The following OCSTAMP variants were observed in gnomAD, a reference collection of about 807,000 sequenced individuals.
OCSTAMP encodes transmembrane protein C20orf123.
A neutral mutation model predicts 25.2 loss-of-function variants in OCSTAMP; 17 were observed. The observed-to-expected ratio is 0.68, with a 90% CI of 0.46 to 1.01. The LOEUF (loss-of-function observed/expected upper bound fraction) is 1.01. Ranked by LOEUF, OCSTAMP falls within the 50% of genes least tolerant of loss-of-function variation. The probability of loss-of-function intolerance (pLI) is 0.00; values close to 1 mark genes in which losing one functional copy is unlikely to be tolerated. For synonymous variants in OCSTAMP, 345 were observed against 318.9 expected, an observed-to-expected ratio of 1.08 and a Z score of -0.87; for missense variants, 664 against 694.6, an observed-to-expected ratio of 0.96 and a Z score of 0.50.
chr20:46,541,615 C>CGTGTCT lies in OCSTAMP; in HGVS notation c.1354_1359dup (p.Arg452_His453dup). 1 of 1,551,526 alleles carries CGTGTCT rather than the reference C, an allele frequency of 6.4e-7. No homozygotes were observed. The highest frequency in any genetic ancestry group is 8.7e-7 in the Non-Finnish European group (1 of 1,146,992). On this transcript the variant is annotated inframe_insertion, in exon 3 of 3. Transcript: ENST00000279028. ...GGCAGCTGCTGGCCTTGGTGCCTGTCGTGTCTTCGCTGGAGCCGGGCGTGC... is the reference window on the plus strand; with the variant it reads ...GGCAGCTGCTGGCCTTGGTGCCTGTCGTGTCTGTGTCTTCGCTGGAGCCGGGCGTGC...
At chr20:46,545,194 TG>T in intron 2 of OCSTAMP, 132 bp downstream of exon 2, 1 of 907,010 alleles carries the variant, frequency 1.1e-6, no homozygotes, top group Non-Finnish European at 1.6e-6. Flanking sequence ...GCCCATGGTA[TG>T]GGGCCCCATG....
intron 2 of OCSTAMP, among the ~76,000 whole-genome samples, chr20:46,543,223 TTCC>T (rs1275036045): frequency 1.3e-5 from 2 of 148,406 alleles, no homozygotes; most frequent in Admixed American, 1.3e-4. Context: ...TCTTCCTTCC[TTCC>T]TTTCTTTTTC....
chr20:46,545,406 G>T lies in OCSTAMP; in HGVS notation c.968C>A (p.Ala323Asp). The T allele has an allele frequency of 6.5e-7, 1 of 1,546,752 alleles. No homozygotes were observed. The highest frequency in any genetic ancestry group is 8.7e-7 in the Non-Finnish European group (1 of 1,145,364). The change falls in exon 2 of 3, where the codon GCC (alanine) becomes GAC (aspartate). Residue 323 changes from alanine to aspartate, a missense_variant. Coordinates refer to ENST00000279028, the MANE Select transcript of OCSTAMP (RefSeq NM_080721.3). ...TAVAVATDHV[A>D]FLLAQATVDW... ...CACAGTAGCCTGTGCCAGGAGGAAG[G>T]CTACATGGTCTGTGGCCACCGCCAC...
intron 1 of OCSTAMP, among the ~76,000 whole-genome samples, chr20:46,548,735 T>C (rs934927700): frequency 1.3e-5 from 2 of 152,208 alleles, no homozygotes; most frequent in Admixed American, 6.5e-5. Context: ...CAGGCAAAGC[T>C]GCTGACTTGC....
intron 2 of OCSTAMP, among the ~76,000 whole-genome samples, chr20:46,543,202 C>T (rs2061839926): frequency 1.3e-5 from 2 of 151,422 alleles, no homozygotes; most frequent in Non-Finnish European, 2.9e-5. Context: ...CTCATTCCTT[C>T]CTTTTTTCTT....
In OCSTAMP at chr20:46,541,342, C is replaced by T; in HGVS notation, c.1633G>A (p.Val545Met). The T allele has an allele frequency of 1.3e-6, 1 of 769,380 alleles. No homozygotes were observed. The highest frequency in any genetic ancestry group is 2.3e-6 in the Non-Finnish European group (1 of 431,678). The allele number at this position is 769,380 out of a possible 1,614,324, so 47.7% of individuals were successfully genotyped here. A position where few individuals can be genotyped will look rare whatever the true frequency, so the allele number is the denominator to read the frequency against. Residue 545 changes from valine (V) to methionine (M), a missense_variant, in exon 3 of 3, where the codon GTG becomes ATG. Physicochemically the swap from Val to Met is conservative, Grantham distance 21. Coordinates refer to ENST00000279028, the MANE Select transcript of OCSTAMP (RefSeq NM_080721.3). ...LHNDSIFTID[V>M]TYFPRRDVVR... ...ACATCCCTGCGTGGGAAGTAGGTCA[C>T]ATCAATGGTAAATATGCTGTCGTTA...
chr20:46,547,923 C>T (rs1031430434), intron 1 of OCSTAMP, among the ~76,000 whole-genome samples: 3 of 152,030 alleles, frequency 2.0e-5, no homozygotes, highest in African/African-American at 7.2e-5. Context: ...TGGAGTGACA[C>T]CTGTAGGGGT....
At position 46,545,346 on chromosome 20, in the gene OCSTAMP, G is replaced by A. The variant is rs1003265035; in HGVS notation, c.1028C>T (p.Thr343Met). The A allele has an allele frequency of 4.1e-5, 60 of 1,479,746 alleles. No individual in the cohort carries two copies. The highest frequency in any genetic ancestry group is 4.8e-5 in the Non-Finnish European group (54 of 1,115,286). 91.7% of individuals were successfully genotyped at this position (1,479,746 alleles called of 1,614,324 possible). Residue 343 changes from threonine (T) to methionine (M), a missense_variant, in exon 2 of 3, where the codon ACG (threonine) becomes ATG (methionine). Coordinates refer to ENST00000279028, the MANE Select transcript of OCSTAMP (RefSeq NM_080721.3). ...WAQKLPTVPI[T>M]LTVKYDVAYT... Reference sequence around the variant, plus strand: ...ACTTACATCATACTTGACCGTGAGCGTGATGGGCACAGTTGGCAACTTCTG... The same window carrying A: ...ACTTACATCATACTTGACCGTGAGCATGATGGGCACAGTTGGCAACTTCTG...
chr20:46,541,616 G>A lies in OCSTAMP; in HGVS notation c.1359C>T (p.His453=). 6.4e-7 allele frequency: 1 copy of A among 1,551,516 alleles called. No homozygotes were observed. The change falls in exon 3 of 3, where the codon CAC becomes CAT. Residue 453 remains histidine (H), a synonymous_variant. Transcript: ENST00000279028. The part of the protein sequence containing the change: ...RHLHARLQRR[H]DRHQGQQLPL... ...GCAGCTGCTGGCCTTGGTGCCTGTC[G>A]TGTCTTCGCTGGAGCCGGGCGTGCA...
At chr20:46,544,954 A>T (rs563167352) in intron 2 of OCSTAMP, among the ~76,000 whole-genome samples, 2 of 152,324 alleles carry the variant, frequency 1.3e-5, no homozygotes, top group Admixed American at 6.5e-5. Flanking sequence ...CTTACTAGGT[A>T]CTTTAAGACA....
intron 1 of OCSTAMP, among the ~76,000 whole-genome samples, 171 bp from the exon 2 acceptor site, chr20:46,546,500 C>T (rs1017745154): frequency 6.6e-6 from 1 of 152,184 alleles, no homozygotes; most frequent in African/African-American, 2.4e-5. Flanking sequence ...GTGACACAAG[C>T]TGAACCAATC....
chr20:46,546,595 G>T (rs558323210), intron 1 of OCSTAMP, among the ~76,000 whole-genome samples: 2 of 152,348 alleles, frequency 1.3e-5, no homozygotes, highest in Non-Finnish European at 2.9e-5. Flanking sequence ...GAGGATGAAA[G>T]TCTGCCCTGT....
At position 46,545,824 on chromosome 20, in the gene OCSTAMP, C is replaced by T. The variant is rs2061850108; in HGVS notation, c.550G>A (p.Gly184Ser). 3 of 1,551,176 alleles carry T rather than the reference C, an allele frequency of 1.9e-6. No individual in the cohort carries two copies. The highest frequency in any genetic ancestry group is 1.4e-5 in the African/African-American group (1 of 73,052). The change falls in exon 2 of 3, where the codon GGC becomes AGC. Residue 184 changes from glycine (G) to serine (S), a missense_variant. Transcript: ENST00000279028. ...LGPTGQAGSR[G>S]LTFEAQDNGS... ...TTGTCCTGGGCCTCAAATGTCAGGC[C>T]CCGGCTGCCTGCCTGGCCTGTGGGG...
chr20:46,541,537 C>A lies in OCSTAMP; in HGVS notation c.1438G>T (p.Ala480Ser). ...PTPRPACKPP[A>S]WIDYRLDALR... The stretch of plus-strand genomic sequence containing the variant: ...GCATCCAGCCTGTAGTCTATCCATG[C>A]CGGAGGCTTGCAGGCAGGTCTGGGT... Residue 480 changes from alanine to serine, a missense_variant, in exon 3 of 3, where the codon GCA (alanine) becomes TCA (serine). By Grantham distance (99) the Ala-to-Ser change is moderately conservative. Coordinates refer to ENST00000279028, the MANE Select transcript of OCSTAMP (RefSeq NM_080721.3). 1 of 1,551,730 alleles carries A rather than the reference C, an allele frequency of 6.4e-7. No individual in the cohort carries two copies. Among genetic ancestry groups the A allele is most frequent in the Non-Finnish European group, 8.7e-7 (1 of 1,146,970 alleles).
In OCSTAMP at chr20:46,545,522, G is replaced by A. The variant is rs757417275; in HGVS notation, c.852C>T (p.Leu284=). 264 of 1,551,474 alleles carry A rather than the reference G, an allele frequency of 1.7e-4. 1 individual carries two copies. Among genetic ancestry groups the A allele is most frequent in the South Asian group, 1.6e-3 (132 of 84,034 alleles). ...GTGACAGCCTCAGCTGAGCCGCCTG[G>A]AGCAGCCAGGTGGGTGGAGGGGCCA... The part of the protein sequence containing the change: ...HLLAPPPTWL[L]QAAQLRLSQE... The change falls in exon 2 of 3, where the codon CTC becomes CTT. Residue 284 remains leucine (L), a synonymous_variant. Coordinates refer to ENST00000279028, the MANE Select transcript of OCSTAMP (RefSeq NM_080721.3).
In OCSTAMP at chr20:46,541,539, G is replaced by A. The variant is rs902989356; in HGVS notation, c.1436C>T (p.Pro479Leu). The change falls in exon 3 of 3, where the codon CCG (proline) becomes CTG (leucine). Residue 479 changes from proline (P) to leucine (L), a missense_variant. Physicochemically the swap from Pro to Leu is moderately conservative, Grantham distance 98. Transcript: ENST00000279028. ...ATCCAGCCTGTAGTCTATCCATGCC[G>A]GAGGCTTGCAGGCAGGTCTGGGTGT... ...VPTPRPACKP[P>L]AWIDYRLDAL... The A allele has an allele frequency of 2.8e-5, 43 of 1,551,604 alleles. No homozygotes were observed. The East Asian group carries it at 7.1e-4, about 26-fold the overall frequency.
At chr20:46,548,849 C>T (rs530879795) in intron 1 of OCSTAMP, among the ~76,000 whole-genome samples, 2 of 152,090 alleles carry the variant, frequency 1.3e-5, no homozygotes, top group East Asian at 1.9e-4. Flanking sequence ...TGCACCTGAC[C>T]GGAGATGGAC....
At position 46,541,420 on chromosome 20, in the gene OCSTAMP, C is replaced by A. The variant is rs2061833601; in HGVS notation, c.1555G>T (p.Val519Leu). Reference protein sequence around the residue: ...CNLGPVPPPCVTLGKSLHLSE... With the variant: ...CNLGPVPPPCLTLGKSLHLSE... ...AGGTGAAGTGACTTACCCAAGGTCA[C>A]ACAGGGAGGCGGCACAGGACCAAGG... The change falls in exon 3 of 3, where the codon GTG becomes TTG. Residue 519 changes from valine to leucine, a missense_variant. Coordinates refer to ENST00000279028, the MANE Select transcript of OCSTAMP (RefSeq NM_080721.3). 7.2e-7 allele frequency: 1 copy of A among 1,385,812 alleles called. No individual in the cohort carries two copies. The highest frequency in any genetic ancestry group is 1.4e-5 in the African/African-American group (1 of 69,618). The allele number at this position is 1,385,812 out of a possible 1,614,324, so 85.8% of individuals were successfully genotyped here. A position where few individuals can be genotyped will look rare whatever the true frequency, so the allele number is the denominator to read the frequency against.
intron 2 of OCSTAMP, among the ~76,000 whole-genome samples, chr20:46,542,258 G>T (rs1309562727): frequency 2.0e-5 from 3 of 152,118 alleles, no homozygotes; most frequent in African/African-American, 4.8e-5. Flanking sequence ...CAATTCTATG[G>T]GTCGAGCCCA....
Sources: allele counts gnomAD v4.1 joint callset (sites outside exome capture counted in the v4.1 genomes callset), GRCh38; gene constraint gnomAD v4.1.1; transcripts MANE v1.5; gene names NCBI Gene and HGNC (gene_info 2026-07-23, HGNC 2026-07-21).